The following LPP variants were observed in gnomAD, a reference collection of about 807,000 sequenced individuals.
The protein encoded by LPP is LIM domain containing preferred translocation partner in lipoma.
In LPP, 38 loss-of-function variants were observed where a neutral mutation model predicts 60.4. The observed-to-expected ratio is 0.63, with a 90% CI of 0.49 to 0.83. The LOEUF (loss-of-function observed/expected upper bound fraction) is 0.83, where lower values mean the gene tolerates loss of function less well. Among genes scored for constraint, LPP ranks in the 40% least tolerant of loss-of-function variants. The pLI, the probability that LPP is intolerant of heterozygous loss-of-function variation, is 0.00. For missense variants in LPP, 902 were observed against 783.6 expected (o/e 1.15, Z -1.80); for synonymous variants, 328 against 290.8 (o/e 1.13, Z -1.30).
intron 2 of LPP, among the ~76,000 whole-genome samples, chr3:188,276,695 T>TTCTCTC (rs768545804): frequency 1.2e-3 from 19 of 16,414 alleles, no homozygotes; most frequent in East Asian, 7.4e-3. Context: ...CTCTCTCTCT[T>TTCTCTC]TCTCTCTCTC....
At chr3:188,228,909 C>T (rs919294672) in intron 2 of LPP, among the ~76,000 whole-genome samples, 2 of 152,146 alleles carry the variant, frequency 1.3e-5, no homozygotes, top group African/African-American at 4.8e-5. Context: ...CTGTATGATA[C>T]ATTATTACAG....
At chr3:188,837,609 A>G (rs929864053) in intron 9 of LPP, among the ~76,000 whole-genome samples, 10 of 152,042 alleles carry the variant, frequency 6.6e-5, no homozygotes, top group African/African-American at 2.2e-4. Context: ...ATCTTTTCAT[A>G]TAAATCTTGA....
At chr3:188,245,939 A>G (rs1232131771) in intron 2 of LPP, among the ~76,000 whole-genome samples, 2 of 152,212 alleles carry the variant, frequency 1.3e-5, no homozygotes, top group Admixed American at 1.3e-4. Flanking sequence ...TATCAGGAAA[A>G]GGAAAAATTT....
At chr3:188,698,207 G>A (rs1394618442) in intron 7 of LPP, among the ~76,000 whole-genome samples, 1 of 152,160 alleles carries the variant, frequency 6.6e-6, no homozygotes, top group Non-Finnish European at 1.5e-5. Flanking sequence ...TGCCAGGCAT[G>A]TGGGGCACAG....
intron 6 of LPP, chr3:188,554,096 A>G (rs1458021283): frequency 6.6e-6 from 1 of 152,212 alleles, no homozygotes; most frequent in African/African-American, 2.4e-5. Flanking sequence ...TCAGAAATAA[A>G]TACATTTGAA....
chr3:188,768,023 A>C (rs970484964), intron 9 of LPP, among the ~76,000 whole-genome samples: 2 of 152,158 alleles, frequency 1.3e-5, no homozygotes, highest in East Asian at 1.9e-4. Flanking sequence ...GAAAATTAGG[A>C]ATGAAAAAGA....
At chr3:188,830,875 T>C (rs538584395) in intron 9 of LPP, among the ~76,000 whole-genome samples, 4 of 152,302 alleles carry the variant, frequency 2.6e-5, no homozygotes, top group African/African-American at 9.6e-5. Context: ...TGGATTGTTG[T>C]TGAGTCCAGC....
chr3:188,865,845 G>C (rs1766439917), intron 9 of LPP, among the ~76,000 whole-genome samples: 1 of 152,158 alleles, frequency 6.6e-6, no homozygotes, highest in African/African-American at 2.4e-5. Context: ...CACCCATGCT[G>C]TAGGAAACAA....
At chr3:188,154,629 G>A (rs922870933) in intron 1 of LPP, among the ~76,000 whole-genome samples, 2 of 152,236 alleles carry the variant, frequency 1.3e-5, no homozygotes, top group Non-Finnish European at 2.9e-5. Context: ...CCATTTTACA[G>A]TTGGGGCAGC....
chr3:188,856,823 G>A (rs1188998142), intron 9 of LPP, among the ~76,000 whole-genome samples: 3 of 152,144 alleles, frequency 2.0e-5, no homozygotes, highest in Admixed American at 2.0e-4. Flanking sequence ...GTGAGGCTTT[G>A]GATAGGATTA....
At chr3:188,274,921 C>T (rs1739128700) in intron 2 of LPP, among the ~76,000 whole-genome samples, 1 of 152,208 alleles carries the variant, frequency 6.6e-6, no homozygotes, top group African/African-American at 2.4e-5. Context: ...ATTAATCCTT[C>T]CAATTATCGT....
chr3:188,632,943 T>G (rs1387290649), intron 7 of LPP, among the ~76,000 whole-genome samples: 1 of 152,126 alleles, frequency 6.6e-6, no homozygotes, highest in African/African-American at 2.4e-5. Flanking sequence ...CATAGAAGCA[T>G]GGCCTTCTTT....
At chr3:188,192,245 A>G (rs1278764876) in intron 1 of LPP, among the ~76,000 whole-genome samples, 1 of 152,170 alleles carries the variant, frequency 6.6e-6, no homozygotes, top group Admixed American at 6.5e-5. Context: ...GTTTTGTAAG[A>G]TGAATAGGAG....
At position 188,782,069 on chromosome 3, in the gene LPP, T is replaced by A. The variant is rs528577083; in HGVS notation, c.1410+21787T>A. Among the ~76,000 whole-genome samples the A allele has an allele frequency of 5.9e-5, 9 of 152,280 alleles. No homozygotes were observed. In the South Asian group the frequency reaches 1.5e-3, roughly 25 times the overall value. On this transcript the variant is annotated intron_variant, in intron 9 of 11. Coordinates refer to ENST00000617246, the MANE Select transcript of LPP (RefSeq NM_001375462.1). The stretch of plus-strand genomic sequence containing the variant: ...AGGACATCTTTTTACATGGATCTTC[T>A]GATATGCTTGTACCAAAGCCCACAG...
intron 6 of LPP, among the ~76,000 whole-genome samples, chr3:188,529,843 C>T (rs1821662337): frequency 6.6e-6 from 1 of 152,098 alleles, no homozygotes; most frequent in Admixed American, 6.6e-5. Context: ...CGTAAGTAAC[C>T]CAAAGGGACA....
intron 3 of LPP, among the ~76,000 whole-genome samples, chr3:188,389,100 T>G (rs982356357): frequency 3.9e-5 from 6 of 152,118 alleles, no homozygotes; most frequent in African/African-American, 1.2e-4. Context: ...TCCCTGATTA[T>G]TATTTAAGTT....
chr3:188,591,660 T>C (rs1344871810), intron 6 of LPP, among the ~76,000 whole-genome samples: 2 of 152,186 alleles, frequency 1.3e-5, no homozygotes, highest in Non-Finnish European at 2.9e-5. Flanking sequence ...TTCATAAGCA[T>C]ATGGCTGCCA....
intron 2 of LPP, among the ~76,000 whole-genome samples, chr3:188,338,898 C>T (rs947295482): frequency 6.6e-6 from 1 of 152,126 alleles, no homozygotes; most frequent in African/African-American, 2.4e-5. Flanking sequence ...ATTCAAAGGA[C>T]ACCATGGTTT....
intron 7 of LPP, among the ~76,000 whole-genome samples, chr3:188,705,016 G>A (rs921901118): frequency 6.6e-6 from 1 of 152,118 alleles, no homozygotes; most frequent in African/African-American, 2.4e-5. Context: ...TCCTCTCAGG[G>A]TCCTTCACTT....
Sources: gnomAD v4.1 joint callset for allele counts (sites outside exome capture counted in the v4.1 genomes callset) on GRCh38, gnomAD v4.1.1 for gene constraint, MANE v1.5 for transcripts, NCBI Gene and HGNC (gene_info 2026-07-23, HGNC 2026-07-21) for gene names.